The following ZNF407 variants were observed in gnomAD, a reference collection of about 807,000 sequenced individuals.
ZNF407 encodes zinc finger protein 407.
ZNF407 carries 17 observed loss-of-function variants against 131.2 expected under a neutral mutation model. The ratio of observed to expected loss-of-function variants is 0.13; its 90% CI spans 0.09 to 0.19. The LOEUF (loss-of-function observed/expected upper bound fraction) is 0.19, where lower values mean the gene tolerates loss of function less well. ZNF407 is among the 10% of genes least tolerant of loss of function. ZNF407 has a pLI of 1.00. For missense variants in ZNF407, 2,681 were observed against 2,830.6 expected, an observed-to-expected ratio of 0.95 and a Z score of 1.20; for synonymous variants, 1,156 against 1,062.0, an observed-to-expected ratio of 1.09 and a Z score of -1.72.
At chr18:74,751,510 T>C (rs1968801179) in intron 3 of ZNF407, among the ~76,000 whole-genome samples, 1 of 152,190 alleles carries the variant, frequency 6.6e-6, no homozygotes, top group Non-Finnish European at 1.5e-5. Flanking sequence ...CTTCTAATGC[T>C]ATCCCTCTCC....
intron 3 of ZNF407, among the ~76,000 whole-genome samples, chr18:74,717,518 G>A (rs2045485): frequency 0.77 from 117,840 of 152,176 alleles, 45,935 homozygotes; most frequent in East Asian, 0.89. Context: ...AAAACAATCT[G>A]TGAGATATGA....
intron 3 of ZNF407, among the ~76,000 whole-genome samples, chr18:74,740,109 G>A (rs930224423): frequency 3.3e-5 from 5 of 152,012 alleles, no homozygotes; most frequent in Non-Finnish European, 7.4e-5. Context: ...AATGTGCCTC[G>A]GCTGAAATCC....
intron 3 of ZNF407, among the ~76,000 whole-genome samples, chr18:74,774,909 G>A (rs2042704): frequency 0.96 from 146,375 of 152,272 alleles, 70,626 homozygotes; most frequent in East Asian, 1. Context: ...GAAAAAGTAC[G>A]TATTAATACA....
chr18:74,932,470 G>T (rs2145257098), intron 8 of ZNF407, among the ~76,000 whole-genome samples: 1 of 152,194 alleles, frequency 6.6e-6, no homozygotes, highest in East Asian at 1.9e-4. Flanking sequence ...TCAGCTTCGT[G>T]TGTCCATCTT....
At chr18:74,627,394 C>T (rs2144651821) in intron 1 of ZNF407, among the ~76,000 whole-genome samples, 1 of 152,158 alleles carries the variant, frequency 6.6e-6, no homozygotes, top group African/African-American at 2.4e-5. Context: ...GAAATGGGTG[C>T]ATGATTCTTT....
intron 8 of ZNF407, among the ~76,000 whole-genome samples, chr18:74,981,392 A>G (rs77096899): frequency 2.6e-4 from 40 of 152,334 alleles, no homozygotes; most frequent in African/African-American, 8.2e-4. Flanking sequence ...TCATAACTCA[A>G]TATCACTCTG....
intron 4 of ZNF407, among the ~76,000 whole-genome samples, chr18:74,831,545 A>G (rs920293303): frequency 2.0e-5 from 3 of 152,228 alleles, no homozygotes; most frequent in Non-Finnish European, 2.9e-5. Context: ...CTGATTTCAC[A>G]TAGCATAATA....
At chr18:74,622,351 C>T (rs1239217656) in intron 1 of ZNF407, among the ~76,000 whole-genome samples, 1 of 152,200 alleles carries the variant, frequency 6.6e-6, no homozygotes, top group Non-Finnish European at 1.5e-5. Context: ...GCGAGTGGCC[C>T]CCTAGTTTCT....
At chr18:74,868,969 A>G (rs1971050924) in intron 4 of ZNF407, among the ~76,000 whole-genome samples, 1 of 152,220 alleles carries the variant, frequency 6.6e-6, no homozygotes, top group Admixed American at 6.5e-5. Flanking sequence ...ACACACAGTA[A>G]ATCCCCAAAC....
rs191816959 is a variant in ZNF407, at chr18:75,023,958, G to T, written c.5429-39192G>T. On this transcript the variant is annotated intron_variant, in intron 8 of 8. Coordinates refer to ENST00000299687, the MANE Select transcript of ZNF407 (RefSeq NM_017757.3). The stretch of plus-strand genomic sequence containing the variant: ...AAATATTGAGCTCCCTCTTCAGAAC[G>T]CACTGTGCTAAGTTATGGGGCAAGT... Among the ~76,000 whole-genome samples, 8 of 152,224 alleles carry T rather than the reference G, an allele frequency of 5.3e-5. No homozygotes were observed. In the East Asian group the frequency reaches 9.6e-4, roughly 18 times the overall value.
chr18:74,773,607 A>G (rs1969406941), intron 3 of ZNF407, among the ~76,000 whole-genome samples: 1 of 152,258 alleles, frequency 6.6e-6, no homozygotes, highest in Non-Finnish European at 1.5e-5. Context: ...AATTGTTTGA[A>G]TAGAATGCTG....
In ZNF407 at chr18:74,842,521, G is replaced by T. The variant is rs73474473; in HGVS notation, c.4878-34676G>T. Among the ~76,000 whole-genome samples the T allele has an allele frequency of 2.6e-3, 392 of 151,802 alleles. 2 individuals are homozygous for T. The highest frequency in any genetic ancestry group is 9.2e-3 in the African/African-American group (381 of 41,396). ...TTCAGCTGCGTTTCCTTCTATCCTC[G>T]TATTGTTCCTTGTTAGGTCATTAGT... On this transcript the variant is annotated intron_variant, in intron 4 of 8. Transcript: ENST00000299687.
At chr18:75,040,337 G>A (rs1315005581) in intron 8 of ZNF407, among the ~76,000 whole-genome samples, 2 of 152,100 alleles carry the variant, frequency 1.3e-5, no homozygotes, top group Non-Finnish European at 2.9e-5. Flanking sequence ...GTCATATAAC[G>A]AGAACTTTAT....
chr18:74,978,894 A>G (rs1410384385), intron 8 of ZNF407, among the ~76,000 whole-genome samples: 1 of 152,180 alleles, frequency 6.6e-6, no homozygotes, highest in Non-Finnish European at 1.5e-5. Flanking sequence ...CCATAGGATG[A>G]CAATGTGCAG....
intron 8 of ZNF407, among the ~76,000 whole-genome samples, chr18:74,996,598 C>T (rs1250695325): frequency 2.6e-5 from 4 of 151,974 alleles, no homozygotes; most frequent in South Asian, 2.1e-4. Context: ...AGTGATTCTT[C>T]GAATATGGGA....
At chr18:74,738,262 A>C (rs1263613715) in intron 3 of ZNF407, among the ~76,000 whole-genome samples, 1 of 151,902 alleles carries the variant, frequency 6.6e-6, no homozygotes, top group Middle Eastern at 3.2e-3. Context: ...TCTACTAAAA[A>C]TACAAAAATT....
intron 8 of ZNF407, among the ~76,000 whole-genome samples, chr18:74,971,548 A>G (rs1281294265): frequency 2.6e-5 from 4 of 152,204 alleles, no homozygotes; most frequent in East Asian, 3.9e-4. Flanking sequence ...CTCTGCTAAA[A>G]CGTAACAAGA....
chr18:74,677,972 C>A (rs1966892496), intron 3 of ZNF407, among the ~76,000 whole-genome samples: 1 of 152,114 alleles, frequency 6.6e-6, no homozygotes, highest in Non-Finnish European at 1.5e-5. Flanking sequence ...AGGCACATGC[C>A]ACCATGCCTG....
intron 5 of ZNF407, among the ~76,000 whole-genome samples, chr18:74,878,253 T>C (rs538454929): frequency 3.3e-5 from 5 of 152,304 alleles, no homozygotes; most frequent in South Asian, 2.1e-4. Context: ...TGGTCTTCCT[T>C]CTCTTTACAC....
Sources: allele counts gnomAD v4.1 joint callset (sites outside exome capture counted in the v4.1 genomes callset), GRCh38; gene constraint gnomAD v4.1.1; transcripts MANE v1.5; gene names NCBI Gene and HGNC (gene_info 2026-07-23, HGNC 2026-07-21).